CACNA2D1: variants seen among roughly 807,000 people sequenced by gnomAD.
CACNA2D1 encodes the protein voltage-dependent calcium channel subunit alpha-2/delta-1.
Under a neutral mutation model 171.5 loss-of-function variants are expected in CACNA2D1, and 53 were observed. That is an observed-to-expected ratio of 0.31 (90% CI 0.25 to 0.39). The LOEUF (loss-of-function observed/expected upper bound fraction) is 0.39. Among genes scored for constraint, CACNA2D1 ranks in the 10% least tolerant of loss-of-function variants. CACNA2D1 has a pLI of 1.00. For synonymous variants in CACNA2D1, 442 were observed against 443.1 expected (o/e 1.00, Z 0.03); for missense variants, 903 against 1,299.8 (o/e 0.69, Z 4.69).
intron 3 of CACNA2D1, among the ~76,000 whole-genome samples, chr7:82,283,070 A>C (rs1001733746): frequency 1.3e-5 from 2 of 152,172 alleles, no homozygotes; most frequent in Non-Finnish European, 2.9e-5. Context: ...CGCTCCTTAC[A>C]ATGTATTATA....
intron 38 of CACNA2D1, among the ~76,000 whole-genome samples, chr7:81,954,472 T>C (rs1244299987): frequency 6.6e-6 from 1 of 152,086 alleles, no homozygotes; most frequent in Non-Finnish European, 1.5e-5. Context: ...ATATGGTTTT[T>C]GCCCCAAAGT....
intron 3 of CACNA2D1, among the ~76,000 whole-genome samples, chr7:82,228,882 T>C (rs1246444030): frequency 6.6e-6 from 1 of 152,106 alleles, no homozygotes; most frequent in East Asian, 1.9e-4. Flanking sequence ...TCAATCATAC[T>C]GGGATCTCTG....
chr7:82,430,405 C>CA (rs556373451), intron 1 of CACNA2D1, among the ~76,000 whole-genome samples: 102 of 116,454 alleles, frequency 8.8e-4, no homozygotes, highest in Non-Finnish European at 1.4e-3. Context: ...GTGATAGAGA[C>CA]AGACTCCATC....
At chr7:82,200,675 T>C (rs1282553019) in intron 3 of CACNA2D1, among the ~76,000 whole-genome samples, 3 of 152,110 alleles carry the variant, frequency 2.0e-5, no homozygotes, top group African/African-American at 7.2e-5. Flanking sequence ...CAAGTTGCTA[T>C]TTTGTGAACA....
chr7:82,189,164 C>A (rs1389282822), intron 3 of CACNA2D1, among the ~76,000 whole-genome samples: 1 of 151,894 alleles, frequency 6.6e-6, no homozygotes, highest in Non-Finnish European at 1.5e-5. Flanking sequence ...ACCCTTGAAC[C>A]TAAAACAAAA....
rs186444472 is a variant in CACNA2D1 at position 81,958,330 on chromosome 7, G to C, written c.3159+945C>G. Among the ~76,000 whole-genome samples, 4 of 152,116 alleles carry C rather than the reference G, an allele frequency of 2.6e-5. No homozygotes were observed. In the East Asian group the frequency reaches 7.7e-4, roughly 29 times the overall value. On this transcript the variant is annotated intron_variant, in intron 38 of 38. Transcript: ENST00000356860. ...GGGACAAATGCAGCTATGTATTTGA[G>C]TAGGTAAACTAAATAACTCAAATAA...
intron 1 of CACNA2D1, among the ~76,000 whole-genome samples, chr7:82,364,761 G>A (rs1056632430): frequency 3.9e-5 from 6 of 152,160 alleles, no homozygotes; most frequent in African/African-American, 1.2e-4. Flanking sequence ...AGGACTGTGC[G>A]AAAAGGTTTC....
At chr7:82,315,853 T>C (rs1379595180) in intron 3 of CACNA2D1, among the ~76,000 whole-genome samples, 1 of 152,156 alleles carries the variant, frequency 6.6e-6, no homozygotes, top group African/African-American at 2.4e-5. Flanking sequence ...TTAATCAAAA[T>C]TTAACTTGAT....
chr7:82,026,946 T>G (rs1802003128), intron 12 of CACNA2D1, among the ~76,000 whole-genome samples: 1 of 151,678 alleles, frequency 6.6e-6, no homozygotes. Flanking sequence ...TCATTATTAG[T>G]GGACACAGAA....
In CACNA2D1 at chr7:82,005,506, G is replaced by GA. The variant is rs576139922; in HGVS notation, c.1516-10dup. On this transcript the variant is annotated splice_polypyrimidine_tract_variant and intron_variant, in intron 17 of 38. Coordinates refer to ENST00000356860, the MANE Select transcript of CACNA2D1 (RefSeq NM_000722.4). ...TACCCATTGGGGCACAGCTGGAAAA[G>GA]AAAAAAAAAAAAAAGCTTGGATATG... 0.062 allele frequency: 69,937 copies of GA among 1,135,952 alleles called. 79 individuals are homozygous for GA. Among genetic ancestry groups the GA allele is most frequent in the African/African-American group, 0.1 (5,061 of 50,198 alleles). 70.4% of individuals were successfully genotyped at this position (1,135,952 alleles called of 1,614,324 possible).
chr7:82,320,734 C>T (rs1297052272), intron 3 of CACNA2D1, among the ~76,000 whole-genome samples: 3 of 151,826 alleles, frequency 2.0e-5, no homozygotes, highest in Non-Finnish European at 2.9e-5. Flanking sequence ...TTAGACACTA[C>T]AATTTCACTT....
intron 3 of CACNA2D1, among the ~76,000 whole-genome samples, chr7:82,235,663 T>C (rs997769672): frequency 3.3e-5 from 5 of 152,244 alleles, no homozygotes; most frequent in Non-Finnish European, 4.4e-5. Context: ...TCATGCCATA[T>C]CTTTCATATT....
At chr7:82,292,491 A>AT (rs1370390283) in intron 3 of CACNA2D1, among the ~76,000 whole-genome samples, 1 of 152,102 alleles carries the variant, frequency 6.6e-6, no homozygotes, top group Non-Finnish European at 1.5e-5. Context: ...CGGGAAAACA[A>AT]TTTTTTGAAA....
chr7:82,350,845 G>A (rs970601664), intron 1 of CACNA2D1, among the ~76,000 whole-genome samples: 1 of 152,050 alleles, frequency 6.6e-6, no homozygotes, highest in African/African-American at 2.4e-5. Context: ...TTACAATTAT[G>A]ATCGAAGGAT....
chr7:82,222,966 T>A (rs1801955582), intron 3 of CACNA2D1, among the ~76,000 whole-genome samples: 1 of 150,954 alleles, frequency 6.6e-6, no homozygotes, highest in Non-Finnish European at 1.5e-5. Context: ...CAGGCTGGAG[T>A]GCAGTGGCAT....
At chr7:82,219,753 CATTTAATTAT>C (rs1801548768) in intron 3 of CACNA2D1, among the ~76,000 whole-genome samples, 1 of 152,076 alleles carries the variant, frequency 6.6e-6, no homozygotes, top group Non-Finnish European at 1.5e-5. Flanking sequence ...ATTTCAATTA[CATTTAATTAT>C]GAAATATCTA....
At position 82,245,862 on chromosome 7, in the gene CACNA2D1, A is replaced by T. The variant is rs541343608; in HGVS notation, c.295-75253T>A. On this transcript the variant is annotated intron_variant, in intron 3 of 38. Transcript: ENST00000356860. ...TAACATAAACTATTGATTTATATTT[A>T]AACATTCTTTCAATGATAGTTTGTA... Among the ~76,000 whole-genome samples the T allele has an allele frequency of 6.6e-5, 10 of 152,262 alleles. No individual in the cohort carries two copies. In the South Asian group the frequency reaches 2.1e-3, roughly 32 times the overall value.
chr7:82,290,436 G>GTAACA (rs1563317376), intron 3 of CACNA2D1, among the ~76,000 whole-genome samples: 1 of 152,024 alleles, frequency 6.6e-6, no homozygotes. Flanking sequence ...ATCTTTGAGG[G>GTAACA]TAACACATTG....
chr7:82,105,065 G>A (rs1036986104), intron 6 of CACNA2D1, among the ~76,000 whole-genome samples: 7 of 151,816 alleles, frequency 4.6e-5, no homozygotes, highest in Admixed American at 6.6e-5. Context: ...AATTAAGTCC[G>A]ATGAAAAACA....
Sources: gnomAD v4.1 joint callset for allele counts (sites outside exome capture counted in the v4.1 genomes callset) on GRCh38, gnomAD v4.1.1 for gene constraint, MANE v1.5 for transcripts, NCBI Gene and HGNC (gene_info 2026-07-23, HGNC 2026-07-21) for gene names.